The following TRPC7 variants were observed in gnomAD, a reference collection of about 807,000 sequenced individuals.
The protein encoded by TRPC7 is short transient receptor potential channel 7.
TRPC7 carries 42 observed loss-of-function variants against 90.1 expected under a neutral mutation model. The observed-to-expected ratio is 0.47, with a 90% CI of 0.36 to 0.60. The LOEUF (loss-of-function observed/expected upper bound fraction) is 0.60, where lower values mean the gene tolerates loss of function less well. TRPC7 is among the 20% of genes least tolerant of loss of function. The probability of loss-of-function intolerance (pLI) is 0.00; values close to 1 mark genes in which losing one functional copy is unlikely to be tolerated. For missense variants in TRPC7, 955 were observed against 1,112.3 expected, an observed-to-expected ratio of 0.86 and a Z score of 2.01; for synonymous variants, 451 against 436.3, an observed-to-expected ratio of 1.03 and a Z score of -0.42.
chr5:136,250,524 ATCTT>A (rs1318594153), intron 6 of TRPC7, among the ~76,000 whole-genome samples: 1 of 152,236 alleles, frequency 6.6e-6, no homozygotes, highest in Non-Finnish European at 1.5e-5. Context: ...AACTTTCAAC[ATCTT>A]TCTGTTTCAG....
At chr5:136,273,989 C>T (rs994190158) in intron 4 of TRPC7, among the ~76,000 whole-genome samples, 3 of 152,176 alleles carry the variant, frequency 2.0e-5, no homozygotes, top group African/African-American at 4.8e-5. Context: ...CCTTCCATCA[C>T]TGGTGGGCAC....
At chr5:136,284,111 A>C (rs898282233) in intron 3 of TRPC7, among the ~76,000 whole-genome samples, 40 of 152,230 alleles carry the variant, frequency 2.6e-4, no homozygotes. Flanking sequence ...ATCATACCCC[A>C]AAACTGGGAA....
chr5:136,251,581 A>C lies in TRPC7; in HGVS notation c.1579+68T>G, dbSNP rs1046110257. 1.4e-5 allele frequency: 18 copies of C among 1,252,002 alleles called. No homozygotes were observed. The Admixed American group carries it at 3.8e-4, about 27-fold the overall frequency. The allele number at this position is 1,252,002 out of a possible 1,614,324, so 77.6% of individuals were successfully genotyped here. A position where few individuals can be genotyped will look rare whatever the true frequency, so the allele number is the denominator to read the frequency against. On this transcript the variant is annotated intron_variant, in intron 6 of 11. Coordinates refer to ENST00000513104, the MANE Select transcript of TRPC7 (RefSeq NM_020389.3). ...AAATAGCGTTACAAGTTCACCAGCC[A>C]CAGTGAAGCACCAGGCCCACGTCCC...
chr5:136,325,209 T>C (rs1192547221), intron 2 of TRPC7, among the ~76,000 whole-genome samples: 1 of 152,204 alleles, frequency 6.6e-6, no homozygotes, highest in Non-Finnish European at 1.5e-5. Flanking sequence ...GACCACTGGA[T>C]TGAGCAAATT....
intron 2 of TRPC7, among the ~76,000 whole-genome samples, chr5:136,328,675 T>C (rs1226316051): frequency 6.6e-6 from 1 of 152,222 alleles, no homozygotes; most frequent in African/African-American, 2.4e-5. Flanking sequence ...AGGAGCAAAC[T>C]GAAAAAGATA....
chr5:136,356,832 T>G lies in TRPC7; in HGVS notation c.556A>C (p.Lys186Gln). The change falls in exon 2 of 12, where the codon AAG becomes CAG. Residue 186 changes from lysine (K) to glutamine (Q), a missense_variant. Lys to Gln is a moderately conservative substitution (Grantham distance 53). This residue lies in a region of TRPC7 where 484 missense variants were observed against 509.6 expected (regional missense o/e 0.95). Coordinates refer to ENST00000513104, the MANE Select transcript of TRPC7 (RefSeq NM_020389.3). ...TGGGGCCGCTCGATGCGGGCGCCCTTGAGCAGCAGGATGTGCACGATCTCA... is the reference window on the plus strand; with the variant it reads ...TGGGGCCGCTCGATGCGGGCGCCCTGGAGCAGCAGGATGTGCACGATCTCA... Reference protein sequence around the residue: ...EYEIVHILLLKGARIERPHDY... With the variant: ...EYEIVHILLLQGARIERPHDY... The G allele has an allele frequency of 6.2e-7, 1 of 1,613,816 alleles. No individual in the cohort carries two copies. The highest frequency in any genetic ancestry group is 8.5e-7 in the Non-Finnish European group (1 of 1,179,862).
chr5:136,345,937 C>G (rs1282266810), intron 2 of TRPC7, among the ~76,000 whole-genome samples: 3 of 152,114 alleles, frequency 2.0e-5, no homozygotes, highest in African/African-American at 7.2e-5. Context: ...GTTTTCCCAG[C>G]ACCATTTGTT....
chr5:136,221,113 C>CTGTGTGTG (rs34373112), intron 10 of TRPC7, among the ~76,000 whole-genome samples: 1 of 148,686 alleles, frequency 6.7e-6, no homozygotes, highest in African/African-American at 2.5e-5. Context: ...GTGTATGTGT[C>CTGTGTGTG]TGTGTGTGTG....
chr5:136,361,129 A>G (rs1029587918), intron 1 of TRPC7, among the ~76,000 whole-genome samples: 1 of 152,198 alleles, frequency 6.6e-6, no homozygotes, highest in East Asian at 1.9e-4. Context: ...AGATCTTATC[A>G]CAGTTTTAGG....
intron 4 of TRPC7, among the ~76,000 whole-genome samples, chr5:136,269,802 A>AT (rs1757149682): frequency 6.6e-6 from 1 of 152,196 alleles, no homozygotes; most frequent in Non-Finnish European, 1.5e-5. Flanking sequence ...AATGTCTAAC[A>AT]TAGGGCTCAG....
chr5:136,223,181 C>T (rs1272327206), intron 10 of TRPC7, among the ~76,000 whole-genome samples: 1 of 152,240 alleles, frequency 6.6e-6, no homozygotes, highest in Non-Finnish European at 1.5e-5. Flanking sequence ...CAAAGCTTTC[C>T]AAGGTCATCA....
In TRPC7 at chr5:136,213,508, T is replaced by A. The variant is rs771303103; in HGVS notation, c.2516A>T (p.Gln839Leu). 1.9e-6 allele frequency: 3 copies of A among 1,614,058 alleles called. No homozygotes were observed. In the South Asian group the frequency reaches 3.3e-5, roughly 18 times the overall value. ...CTTTCCAAACTTCTCGCTGAGTTGT[T>A]GAATCAGGTCTGCCAGCTCACCAGT... ...QATGELADLI[Q>L]QLSEKFGKNL... The change falls in exon 12 of 12, where the codon CAA becomes CTA. Residue 839 changes from glutamine (Q) to leucine (L), a missense_variant. Transcript: ENST00000513104.
intron 3 of TRPC7, among the ~76,000 whole-genome samples, chr5:136,303,123 G>T (rs1244710582): frequency 6.6e-6 from 1 of 152,086 alleles, no homozygotes; most frequent in Non-Finnish European, 1.5e-5. Context: ...ACTCGAAAAG[G>T]TGGCTGGAGC....
intron 9 of TRPC7, 125 bp downstream of exon 9, chr5:136,225,909 C>A: frequency 1.3e-6 from 1 of 751,022 alleles, no homozygotes; most frequent in Non-Finnish European, 2.2e-6. Flanking sequence ...AGAGTACCGG[C>A]CCTCCCAGCT....
At chr5:136,217,551 G>A (rs1755309875) in intron 10 of TRPC7, among the ~76,000 whole-genome samples, 1 of 152,210 alleles carries the variant, frequency 6.6e-6, no homozygotes, top group African/African-American at 2.4e-5. Flanking sequence ...AACTGGCTGT[G>A]TGGTTTGAGT....
At chr5:136,226,307 C>T (rs374184967) in intron 8 of TRPC7, 52 bp from the exon 9 acceptor site, 95 of 1,357,098 alleles carry the variant, frequency 7.0e-5, no homozygotes, top group Middle Eastern at 1.8e-4. Flanking sequence ...GATTTAACAA[C>T]GGAGCCCAAC....
At chr5:136,288,204 G>T (rs1006107114) in intron 3 of TRPC7, among the ~76,000 whole-genome samples, 5 of 152,000 alleles carry the variant, frequency 3.3e-5, no homozygotes, top group African/African-American at 1.2e-4. Flanking sequence ...CTACTTCAGA[G>T]CTTGAACTAC....
intron 6 of TRPC7, among the ~76,000 whole-genome samples, chr5:136,249,041 G>A (rs757819493): frequency 6.6e-6 from 1 of 152,192 alleles, no homozygotes; most frequent in African/African-American, 2.4e-5. Flanking sequence ...GAAGCATTGA[G>A]AAACCTAAAT....
intron 7 of TRPC7, among the ~76,000 whole-genome samples, chr5:136,238,549 GA>G (rs1200977366): frequency 2.0e-5 from 3 of 152,240 alleles, no homozygotes; most frequent in African/African-American, 7.2e-5. Context: ...GTCACTTAGA[GA>G]AATGGCAGCT....
Sources: gnomAD v4.1 joint callset for allele counts (sites outside exome capture counted in the v4.1 genomes callset) on GRCh38, gnomAD v4.1.1 for gene constraint, gnomAD v4.1.1 regional missense constraint, MANE v1.5 for transcripts, NCBI Gene and HGNC (gene_info 2026-07-23, HGNC 2026-07-21) for gene names.